The following L3MBTL2 variants were observed in gnomAD, a reference collection of about 807,000 sequenced individuals.
The protein encoded by L3MBTL2 is lethal(3)malignant brain tumor-like protein 2.
Under a neutral mutation model 86.4 loss-of-function variants are expected in L3MBTL2, and 49 were observed. That is an observed-to-expected ratio of 0.57 (90% CI 0.45 to 0.72). The LOEUF is 0.72. Among genes scored for constraint, L3MBTL2 ranks in the 30% least tolerant of loss-of-function variants. The pLI is 0.00. For missense variants in L3MBTL2, 755 were observed against 923.7 expected, an observed-to-expected ratio of 0.82 and a Z score of 2.37; for synonymous variants, 336 against 350.6, an observed-to-expected ratio of 0.96 and a Z score of 0.47.
chr22:41,221,379 C>A, intron 8 of L3MBTL2, 92 bp downstream of exon 8: 1 of 1,053,554 alleles, frequency 9.5e-7, no homozygotes, highest in Non-Finnish European at 1.4e-6. Context: ...TTACCTAAGA[C>A]CCCTTGCCTG....
intron 8 of L3MBTL2, among the ~76,000 whole-genome samples, chr22:41,221,581 T>G (rs2031820979): frequency 6.6e-6 from 1 of 152,214 alleles, no homozygotes; most frequent in South Asian, 2.1e-4. Flanking sequence ...TTTTCAGAAG[T>G]GTTCACTCAA....
At position 41,227,381 on chromosome 22, in the gene L3MBTL2, C is replaced by T. The variant is rs1311245421; in HGVS notation, c.1822+58C>T. ...CTTTCTTTCCTCTTCTTTTTTCCTT[C>T]TTCCCCCGCCCCTGTGCCCATCTCC... On this transcript the variant is annotated intron_variant, in intron 14 of 16. Coordinates refer to ENST00000216237, the MANE Select transcript of L3MBTL2 (RefSeq NM_031488.5). This position sits in a 1 kb window ranked among gnomAD's most constrained non-coding sequence, Gnocchi z 6.0. The T allele has an allele frequency of 3.2e-5, 47 of 1,471,950 alleles. No individual in the cohort carries two copies. Among genetic ancestry groups the T allele is most frequent in the Non-Finnish European group, 4.3e-5 (46 of 1,076,174 alleles). The allele number at this position is 1,471,950 out of a possible 1,614,324, so 91.2% of individuals were successfully genotyped here.
chr22:41,217,341 G>A (rs2031469006), intron 5 of L3MBTL2, 139 bp downstream of exon 5: 5 of 633,362 alleles, frequency 7.9e-6, no homozygotes, highest in Non-Finnish European at 1.1e-5. Context: ...GTTACCACTC[G>A]CTCCATTTCA....
chr22:41,230,464 C>T lies in L3MBTL2; in HGVS notation c.*213C>T, dbSNP rs373816501. Reference sequence around the variant, plus strand: ...CTCCCCTGTGGAAAGGTCTATATGACGGGCCGCCTGAGGCCCCAGAACTCG... The same window carrying T: ...CTCCCCTGTGGAAAGGTCTATATGATGGGCCGCCTGAGGCCCCAGAACTCG... On this transcript the variant is annotated 3_prime_UTR_variant, in exon 17 of 17. Transcript: ENST00000216237. 14 of 521,686 alleles carry T rather than the reference C, an allele frequency of 2.7e-5. No homozygotes were observed. Among genetic ancestry groups the T allele is most frequent in the East Asian group, 1.0e-4 (3 of 30,014 alleles). 32.3% of individuals were successfully genotyped at this position (521,686 alleles called of 1,614,324 possible).
In L3MBTL2 at chr22:41,224,948, G is replaced by C; in HGVS notation, c.1252-19G>C. On this transcript the variant is annotated intron_variant, in intron 10 of 16. Transcript: ENST00000216237. This position sits in a 1 kb window ranked among gnomAD's most constrained non-coding sequence, Gnocchi z 4.9. ...TCCTGGCCTGCCCAGGGAGTCCCCA[G>C]CTGTCCCATTCCTTTAAGGTACGAG... The C allele has an allele frequency of 1.2e-6, 2 of 1,608,754 alleles. No individual in the cohort carries two copies. Among genetic ancestry groups the C allele is most frequent in the South Asian group, 1.1e-5 (1 of 90,810 alleles).
Position 41,227,484 on chromosome 22 carries a change from T to G in L3MBTL2, c.1822+161T>G. 1.6e-6 allele frequency: 2 copies of G among 1,258,194 alleles called. No homozygotes were observed. Among genetic ancestry groups the G allele is most frequent in the Non-Finnish European group, 2.3e-6 (2 of 881,754 alleles). The allele number at this position is 1,258,194 out of a possible 1,614,324, so 77.9% of individuals were successfully genotyped here. ...AGCCCCGTCACCCAGCCCCTGCTCCTGACTTCTCTGTCTCCCTTTCCCTCT... is the reference window on the plus strand; with the variant it reads ...AGCCCCGTCACCCAGCCCCTGCTCCGGACTTCTCTGTCTCCCTTTCCCTCT... On this transcript the variant is annotated intron_variant, in intron 14 of 16. Coordinates refer to ENST00000216237, the MANE Select transcript of L3MBTL2 (RefSeq NM_031488.5). This position sits in a 1 kb window ranked among gnomAD's most constrained non-coding sequence, Gnocchi z 6.0.
At chr22:41,206,842 T>A (rs182539516) in intron 1 of L3MBTL2, among the ~76,000 whole-genome samples, 1 of 152,264 alleles carries the variant, frequency 6.6e-6, no homozygotes, top group East Asian at 1.9e-4. Context: ...TCTAGCATAT[T>A]TGCATGTGTA....
chr22:41,229,372 G>C, intron 15 of L3MBTL2, 168 bp from the exon 16 acceptor site: 1 of 678,012 alleles, frequency 1.5e-6, no homozygotes, highest in Non-Finnish European at 2.4e-6. Flanking sequence ...CTGAGCTCAG[G>C]GCACATAGCC....
intron 4 of L3MBTL2, 180 bp from the exon 5 acceptor site, chr22:41,216,943 C>A: frequency 1.7e-6 from 1 of 579,646 alleles, no homozygotes; most frequent in Non-Finnish European, 3.1e-6. Context: ...ACAGTGGTCC[C>A]TCATGGCCAC....
rs368752921 is a variant in L3MBTL2 at position 41,230,181 on chromosome 22, C to T, written c.2048C>T (p.Ser683Leu). 1.1e-4 allele frequency: 173 copies of T among 1,610,782 alleles called. 1 individual carries two copies. Among genetic ancestry groups the T allele is most frequent in the South Asian group, 4.5e-4 (41 of 91,016 alleles). ...RVKEEHLDVA[S>L]PDKASSPELP... ...AAGGAAGAGCATCTAGACGTGGCCTCGCCCGACAAGGCTTCAAGTCCAGAG... is the reference window on the plus strand; with the variant it reads ...AAGGAAGAGCATCTAGACGTGGCCTTGCCCGACAAGGCTTCAAGTCCAGAG... Residue 683 changes from serine (S) to leucine (L), a missense_variant, in exon 17 of 17, where the codon TCG becomes TTG. By Grantham distance (145) the Ser-to-Leu change is moderately radical. Coordinates refer to ENST00000216237, the MANE Select transcript of L3MBTL2 (RefSeq NM_031488.5).
At chr22:41,213,267 T>C (rs1453686325) in intron 2 of L3MBTL2, among the ~76,000 whole-genome samples, 1 of 152,136 alleles carries the variant, frequency 6.6e-6, no homozygotes, top group Non-Finnish European at 1.5e-5. Context: ...CTTTACTATA[T>C]AGATGAGAAA....
At chr22:41,229,150 A>C (rs770735278) in intron 15 of L3MBTL2, among the ~76,000 whole-genome samples, 1 of 152,148 alleles carries the variant, frequency 6.6e-6, no homozygotes, top group African/African-American at 2.4e-5. Flanking sequence ...CCAGCTACTC[A>C]GGAGGCTAAG....
chr22:41,225,982 G>GA lies in L3MBTL2; in HGVS notation c.1504+43dup. 6.2e-7 allele frequency: 1 copy of GA among 1,606,282 alleles called. No homozygotes were observed. The highest frequency in any genetic ancestry group is 1.3e-5 in the African/African-American group (1 of 75,004). ...CCACCACCTGCTGTCCTTGCCATCA[G>GA]AAGGGGCAGGGTGTCCAGGCGCGGT... On this transcript the variant is annotated intron_variant, in intron 12 of 16. Transcript: ENST00000216237. This position sits in a 1 kb window ranked among gnomAD's most constrained non-coding sequence, Gnocchi z 4.1.
Position 41,226,719 on chromosome 22 carries a change from C to A in L3MBTL2, c.1562C>A (p.Ala521Asp). 6.2e-7 allele frequency: 1 copy of A among 1,613,844 alleles called. No individual in the cohort carries two copies. Among genetic ancestry groups the A allele is most frequent in the Non-Finnish European group, 8.5e-7 (1 of 1,179,724 alleles). Residue 521 changes from alanine to aspartate, a missense_variant, in exon 13 of 17, where the codon GCC becomes GAC. By Grantham distance (126) the Ala-to-Asp change is moderately radical. Around this residue, in one of 3 missense-constraint regions of L3MBTL2, gnomAD observed 634 missense variants for 748.9 expected, o/e 0.85. Coordinates refer to ENST00000216237, the MANE Select transcript of L3MBTL2 (RefSeq NM_031488.5). ...TACTTGGAGAAGACCAAGTCGAAAG[C>A]CGCTCCATCGAGACTCTTTAACATG... Reference protein sequence around the residue: ...ENYLEKTKSKAAPSRLFNMDC... With the variant: ...ENYLEKTKSKDAPSRLFNMDC...
chr22:41,207,312 T>C (rs2030313772), intron 1 of L3MBTL2, among the ~76,000 whole-genome samples: 1 of 142,774 alleles, frequency 7.0e-6, no homozygotes, highest in Non-Finnish European at 1.5e-5. Context: ...GGTGCAGTCA[T>C]AGCTAACTGC....
chr22:41,224,328 C>T lies in L3MBTL2; in HGVS notation c.1174+77C>T. On this transcript the variant is annotated intron_variant, in intron 9 of 16. Transcript: ENST00000216237. This position sits in a 1 kb window ranked among gnomAD's most constrained non-coding sequence, Gnocchi z 4.9. ...GGAGTGGGAGCACCTTCCTACTCGT[C>T]ACAGCAGGTCAGCAGGTGGAGGTTG... 8.6e-7 allele frequency: 1 copy of T among 1,165,860 alleles called. No homozygotes were observed. Among genetic ancestry groups the T allele is most frequent in the South Asian group, 1.4e-5 (1 of 71,968 alleles). 72.2% of individuals were successfully genotyped at this position (1,165,860 alleles called of 1,614,324 possible).
At chr22:41,205,417 A>C (rs556990401) in intron 1 of L3MBTL2, 31 bp downstream of exon 1, 2 of 1,613,608 alleles carry the variant, frequency 1.2e-6, no homozygotes, top group African/African-American at 1.3e-5. Flanking sequence ...CGTGACTGGG[A>C]AAGGGAACTC....
intron 8 of L3MBTL2, among the ~76,000 whole-genome samples, chr22:41,223,169 T>A (rs2031947719): frequency 6.6e-6 from 1 of 152,220 alleles, no homozygotes; most frequent in African/African-American, 2.4e-5. Flanking sequence ...AGGACCCCTG[T>A]GTCAGCTTTG....
In L3MBTL2 at chr22:41,229,588, A is replaced by G. The variant is rs1210518309; in HGVS notation, c.1937A>G (p.Lys646Arg). 1.2e-6 allele frequency: 2 copies of G among 1,613,674 alleles called. No individual in the cohort carries two copies. The highest frequency in any genetic ancestry group is 1.7e-5 in the Admixed American group (1 of 60,016). ...TKTRPLRQGS[K>R]KPLLEDDPQG... ...ACGCGACCCCTCAGACAGGGGTCCA[A>G]GAAGCCCCTGCTGGAGGACGACCCT... The change falls in exon 16 of 17, where the codon AAG becomes AGG. Residue 646 changes from lysine (K) to arginine (R), a missense_variant. Lys to Arg is a conservative substitution (Grantham distance 26, BLOSUM62 2). Transcript: ENST00000216237.
Sources: gnomAD v4.1 joint callset for allele counts (sites outside exome capture counted in the v4.1 genomes callset) on GRCh38, gnomAD v4.1.1 for gene constraint, gnomAD v4.1.1 regional missense constraint, Gnocchi (gnomAD v3.1) non-coding constraint, MANE v1.5 for transcripts, NCBI Gene and HGNC (gene_info 2026-07-23, HGNC 2026-07-21) for gene names.